Variants in PDE6B observed in about 807,000 individuals in gnomAD.
PDE6B encodes the protein rod cGMP-specific 3',5'-cyclic phosphodiesterase subunit beta.
A neutral mutation model predicts 109.0 loss-of-function variants in PDE6B; 106 were observed. The observed-to-expected ratio is 0.97, with a 90% CI of 0.83 to 1.14. The LOEUF (loss-of-function observed/expected upper bound fraction) is 1.14, where lower values mean the gene tolerates loss of function less well. PDE6B is among the 50% of genes most tolerant of loss of function. PDE6B has a pLI of 0.00. For missense variants in PDE6B, 1,193 were observed against 1,155.6 expected (o/e 1.03, Z -0.47); for synonymous variants, 490 against 471.3 (o/e 1.04, Z -0.51).
rs757030384 is a variant in PDE6B at position 625,834 on chromosome 4, A to G, written c.208A>G (p.Ile70Val). Reference protein sequence around the residue: ...LELVQDMQESINMERVVFKVL... With the variant: ...LELVQDMQESVNMERVVFKVL... ...GCTGGTGCAGGATATGCAGGAGAGCATCAACATGGAGCGCGTGGTCTTCAA... is the reference window on the plus strand; with the variant it reads ...GCTGGTGCAGGATATGCAGGAGAGCGTCAACATGGAGCGCGTGGTCTTCAA... Residue 70 changes from isoleucine (I) to valine (V), a missense_variant, in exon 1 of 22, where the codon ATC becomes GTC. Ile to Val is a conservative substitution (Grantham distance 29). Coordinates refer to ENST00000496514, the MANE Select transcript of PDE6B (RefSeq NM_000283.4). This position sits in a 1 kb window ranked among gnomAD's most constrained non-coding sequence, Gnocchi z 5.0. The G allele has an allele frequency of 1.9e-5, 31 of 1,612,882 alleles. No homozygotes were observed. Among genetic ancestry groups the G allele is most frequent in the Non-Finnish European group, 2.4e-5 (28 of 1,179,906 alleles).
chr4:636,010 G>T lies in PDE6B; in HGVS notation c.711+41G>T, dbSNP rs757871336. ...GCACAGCTCTGCCCACGAGGGCCAGGGTCCCTCCGCCCATCTCGCTGCCTG... is the reference window on the plus strand; with the variant it reads ...GCACAGCTCTGCCCACGAGGGCCAGTGTCCCTCCGCCCATCTCGCTGCCTG... On this transcript the variant is annotated intron_variant, in intron 3 of 21. Transcript: ENST00000496514. This position sits in a 1 kb window ranked among gnomAD's most constrained non-coding sequence, Gnocchi z 4.5. The T allele has an allele frequency of 8.4e-7, 1 of 1,193,526 alleles. No homozygotes were observed. The highest frequency in any genetic ancestry group is 1.3e-6 in the Non-Finnish European group (1 of 797,174). 73.9% of individuals were successfully genotyped at this position (1,193,526 alleles called of 1,614,324 possible).
Position 646,488 on chromosome 4 carries a change from C to CGTCT in PDE6B, c.712-7363_712-7362insTCTG, listed in dbSNP as rs539997235. On this transcript the variant is annotated intron_variant, in intron 3 of 21. Transcript: ENST00000496514. ...TTTGACAGTCACTGAGCATCCTAGA[C>CGTCT]GCGCGGTTTGGTGTCTGTCAATACT... Among the ~76,000 whole-genome samples, 18 of 152,046 alleles carry CGTCT rather than the reference C, an allele frequency of 1.2e-4. No homozygotes were observed. In the South Asian group the frequency reaches 2.7e-3, roughly 23 times the overall value.
chr4:659,073 G>GAATGCA, intron 11 of PDE6B, 56 bp downstream of exon 11: 1 of 1,312,758 alleles, frequency 7.6e-7, no homozygotes, highest in Non-Finnish European at 1.1e-6. Context: ...GAGGCTGGGA[G>GAATGCA]GAAGAGTTCT....
rs1274697457 is a variant in PDE6B, at chr4:670,274, GCT to G, written c.*170_*171del. On this transcript the variant is annotated 3_prime_UTR_variant, in exon 22 of 22. Coordinates refer to ENST00000496514, the MANE Select transcript of PDE6B (RefSeq NM_000283.4). Reference sequence around the variant, plus strand: ...TTTTTTTTTTTTGAGATGGAGTCTTGCTCTGTCACCCAGGCTGGAGTGCCGTG... The same window carrying G: ...TTTTTTTTTTTTGAGATGGAGTCTTGCTGTCACCCAGGCTGGAGTGCCGTG... The G allele has an allele frequency of 5.3e-6, 5 of 951,912 alleles. No individual in the cohort carries two copies. The African/African-American group carries it at 1.0e-4, about 20-fold the overall frequency. 59.0% of individuals were successfully genotyped at this position (951,912 alleles called of 1,614,324 possible). A position where few individuals can be genotyped will look rare whatever the true frequency, so the allele number is the denominator to read the frequency against.
At chr4:664,034 G>T in intron 16 of PDE6B, 80 bp from the exon 17 acceptor site, 4 of 1,198,228 alleles carry the variant, frequency 3.3e-6, no homozygotes, top group Non-Finnish European at 3.7e-6. Context: ...CTCGGGCTCC[G>T]CGCCTCCCTG....
intron 1 of PDE6B, among the ~76,000 whole-genome samples, chr4:628,599 C>T (rs10031968): frequency 4.0e-4 from 61 of 152,136 alleles, no homozygotes; most frequent in Non-Finnish European, 7.1e-4. Context: ...CCGGGTAACC[C>T]GCTCCTCCCT....
chr4:638,702 CA>C (rs1265867026), intron 3 of PDE6B, among the ~76,000 whole-genome samples: 1 of 152,170 alleles, frequency 6.6e-6, no homozygotes, highest in African/African-American at 2.4e-5. Context: ...ATTGGGGTCC[CA>C]TTGAGGGCCC....
chr4:658,039 A>G (rs1736554685), intron 10 of PDE6B, among the ~76,000 whole-genome samples: 1 of 119,714 alleles, frequency 8.4e-6, no homozygotes, highest in African/African-American at 3.4e-5. Flanking sequence ...TCCAGGGGTC[A>G]CGGCTGTGTG....
chr4:627,648 C>T (rs1440897062), intron 1 of PDE6B, among the ~76,000 whole-genome samples: 1 of 151,586 alleles, frequency 6.6e-6, no homozygotes, highest in Non-Finnish European at 1.5e-5. Context: ...ACCAGCTGCT[C>T]CTCCCTCCCC....
intron 16 of PDE6B, 51 bp from the exon 17 acceptor site, chr4:664,063 G>T: frequency 7.6e-7 from 1 of 1,323,772 alleles, no homozygotes; most frequent in Non-Finnish European, 1.1e-6. Context: ...CGCTTGGGGC[G>T]GGGTCTCCAC....
At position 663,148 on chromosome 4, in the gene PDE6B, G is replaced by C; in HGVS notation, c.1881G>C (p.Arg627=). The change falls in exon 15 of 22, where the codon CGG becomes CGC. Residue 627 remains arginine, a synonymous_variant. Transcript: ENST00000496514. The surrounding 1 kb of genome is among the most constrained non-coding windows in gnomAD (Gnocchi z 4.0). ...AKLHGSSILE[R]HHLEFGKFLL... ...TCCACGGCTCCTCGATTTTGGAGCG[G>C]CACCACCTGGAGTTTGGGAAGTTCC... 6.2e-7 allele frequency: 1 copy of C among 1,611,714 alleles called. No individual in the cohort carries two copies.
chr4:660,318 A>T, intron 11 of PDE6B, 149 bp from the exon 12 acceptor site: 4 of 802,730 alleles, frequency 5.0e-6, no homozygotes, highest in Non-Finnish European at 8.5e-6. Context: ...GCAGCCTGGG[A>T]TACAGGCTGG....
At chr4:643,320 A>C (rs1302321694) in intron 3 of PDE6B, among the ~76,000 whole-genome samples, 6 of 152,170 alleles carry the variant, frequency 3.9e-5, no homozygotes, top group African/African-American at 1.4e-4. Context: ...AAAAAGAAAA[A>C]AAAAAAGAAT....
intron 1 of PDE6B, among the ~76,000 whole-genome samples, chr4:628,754 CG>C (rs1734240052): frequency 6.6e-6 from 1 of 152,230 alleles, no homozygotes; most frequent in Non-Finnish European, 1.5e-5. Context: ...CTCACACTCT[CG>C]GGCCTACAGG....
chr4:644,428 A>G (rs1390340675), intron 3 of PDE6B, among the ~76,000 whole-genome samples: 1 of 152,006 alleles, frequency 6.6e-6, no homozygotes, highest in African/African-American at 2.4e-5. Context: ...ATCTTGCTGT[A>G]TGCTCCACGT....
In PDE6B at chr4:662,949, G is replaced by C; in HGVS notation, c.1833-151G>C. The C allele has an allele frequency of 1.5e-6, 1 of 682,278 alleles. No individual in the cohort carries two copies. Among genetic ancestry groups the C allele is most frequent in the Non-Finnish European group, 2.7e-6 (1 of 372,726 alleles). The allele number at this position is 682,278 out of a possible 1,614,324, so 42.3% of individuals were successfully genotyped here. On this transcript the variant is annotated intron_variant, in intron 14 of 21. Transcript: ENST00000496514. The surrounding 1 kb of genome is among the most constrained non-coding windows in gnomAD (Gnocchi z 4.3). ...GCCCAGGAGGTCAAGGCTGTATTGA[G>C]CCATGATTGCACCACTGCACTCCAG...
rs1173506957 is a variant in PDE6B, at chr4:648,382, C to T, written c.712-5470C>T. On this transcript the variant is annotated intron_variant, in intron 3 of 21. Coordinates refer to ENST00000496514, the MANE Select transcript of PDE6B (RefSeq NM_000283.4). The surrounding 1 kb of genome is among the most constrained non-coding windows in gnomAD (Gnocchi z 4.5). ...TTGCAGGAGGCACAGGCCTGCCTCA[C>T]GGCTCTTTTTGAAAATAAAAGTTTG... 2.0e-5 allele frequency among the ~76,000 whole-genome samples: 3 copies of T among 150,992 alleles called. No homozygotes were observed. The highest frequency in any genetic ancestry group is 2.9e-5 in the Non-Finnish European group (2 of 68,030).
Position 660,584 on chromosome 4 carries a change from G to C in PDE6B, c.1585G>C (p.Val529Leu). Residue 529 changes from valine (V) to leucine (L), a missense_variant, in exon 12 of 22, where the codon GTG (valine) becomes CTG (leucine). Physicochemically the swap from Val to Leu is conservative, Grantham distance 32. Coordinates refer to ENST00000496514, the MANE Select transcript of PDE6B (RefSeq NM_000283.4). ...CGIQMYYELG[V>L]VRKFQIPQEV... ...CATCCAGATGTACTACGAGCTGGGC[G>C]TGGTCCGAAAGTTCCAGATCCCCCA... 1.9e-6 allele frequency: 3 copies of C among 1,613,814 alleles called. No homozygotes were observed. The highest frequency in any genetic ancestry group is 1.7e-4 in the Middle Eastern group (1 of 6,056).
chr4:653,184 C>T (rs955541403), intron 3 of PDE6B: 3 of 999,886 alleles, frequency 3.0e-6, no homozygotes, highest in Non-Finnish European at 2.4e-6. Context: ...GACACCGCAG[C>T]GGAGGAGAGG....
Sources: gnomAD v4.1 joint callset for allele counts (sites outside exome capture counted in the v4.1 genomes callset) on GRCh38, gnomAD v4.1.1 for gene constraint, Gnocchi (gnomAD v3.1) non-coding constraint, MANE v1.5 for transcripts, NCBI Gene and HGNC (gene_info 2026-07-23, HGNC 2026-07-21) for gene names.